NFIC: variants seen among roughly 807,000 people sequenced by gnomAD.
NFIC encodes the protein nuclear factor I C, also known as nuclear factor 1 C-type.
In NFIC, 12 loss-of-function variants were observed where a neutral mutation model predicts 54.4. That is an observed-to-expected ratio of 0.22 (90% confidence interval 0.14 to 0.36). The LOEUF (loss-of-function observed/expected upper bound fraction) is 0.36. NFIC is among the 10% of genes least tolerant of loss of function. NFIC has a pLI of 1.00. For synonymous variants in NFIC, 322 were observed against 319.2 expected (o/e 1.01, Z -0.09); for missense variants, 575 against 718.2 (o/e 0.80, Z 2.28).
In NFIC at chr19:3,369,358, C is replaced by T. The variant is rs76045367; in HGVS notation, c.30+2692C>T. 3.9e-5 allele frequency among the ~76,000 whole-genome samples: 6 copies of T among 152,154 alleles called. No individual in the cohort carries two copies. The highest frequency in any genetic ancestry group is 3.9e-4 in the Admixed American group (6 of 15,280). On this transcript the variant is annotated intron_variant, in intron 1 of 10. Coordinates refer to ENST00000443272, the MANE Select transcript of NFIC (RefSeq NM_001245002.2). This position sits in a 1 kb window ranked among gnomAD's most constrained non-coding sequence, Gnocchi z 4.3. ...CCTCTCTCCCTGTCTCTCTCTATCT[C>T]TGCATGTGTCTCCTTACTCCTCTCT...
chr19:3,408,667 A>T (rs4807462), intron 2 of NFIC, among the ~76,000 whole-genome samples: 79,747 of 151,842 alleles, frequency 0.53, 23,981 homozygotes, highest in African/African-American at 0.81. Flanking sequence ...TGTCGCGCCA[A>T]CTCGGCTCAC....
chr19:3,366,902 C>T (rs2080898503), intron 1 of NFIC, among the ~76,000 whole-genome samples: 1 of 152,018 alleles, frequency 6.6e-6, no homozygotes, highest in Non-Finnish European at 1.5e-5. Context: ...GCCCAGCACC[C>T]CCAACCCCGA....
intron 10 of NFIC, 196 bp downstream of exon 10, chr19:3,456,831 C>G (rs750355156): frequency 1.8e-5 from 11 of 618,220 alleles, no homozygotes; most frequent in Middle Eastern, 2.5e-4. Context: ...CACCTTGGTC[C>G]TGGGGGGATG....
intron 1 of NFIC, among the ~76,000 whole-genome samples, chr19:3,380,628 C>CTT (rs1159916071): frequency 0.012 from 1,136 of 95,968 alleles, 6 homozygotes; most frequent in Non-Finnish European, 0.018. Flanking sequence ...TGCGCCCAGG[C>CTT]TTTTTTTTTT....
intron 2 of NFIC, among the ~76,000 whole-genome samples, chr19:3,384,047 G>GT (rs1568410454): frequency 9.5e-5 from 13 of 137,352 alleles, no homozygotes; most frequent in South Asian, 7.0e-4. Flanking sequence ...GAGTTACCCA[G>GT]TGTTTTTTTT....
intron 2 of NFIC, among the ~76,000 whole-genome samples, chr19:3,421,646 G>T (rs906020556): frequency 6.6e-5 from 10 of 152,230 alleles, no homozygotes; most frequent in Non-Finnish European, 1.0e-4. Context: ...GGCATCCTTG[G>T]TCTTGGCAAT....
intron 2 of NFIC, among the ~76,000 whole-genome samples, chr19:3,387,081 A>G (rs1395473546): frequency 6.6e-6 from 1 of 152,156 alleles, no homozygotes; most frequent in African/African-American, 2.4e-5. Context: ...GCCCTGGGAT[A>G]GAGGGAGAGG....
chr19:3,387,576 G>T (rs916183737), intron 2 of NFIC, among the ~76,000 whole-genome samples: 3 of 152,096 alleles, frequency 2.0e-5, no homozygotes, highest in Non-Finnish European at 2.9e-5. Flanking sequence ...ATGGAGGGGG[G>T]CTGGGGGCCA....
intron 9 of NFIC, among the ~76,000 whole-genome samples, chr19:3,454,652 C>T (rs1347121985): frequency 6.6e-6 from 1 of 151,668 alleles, no homozygotes; most frequent in Non-Finnish European, 1.5e-5. Context: ...GGGTGGGTCA[C>T]CCACCCTCAC....
chr19:3,382,696 C>T (rs1179956461), intron 2 of NFIC, among the ~76,000 whole-genome samples: 2 of 124,450 alleles, frequency 1.6e-5, no homozygotes, highest in Non-Finnish European at 1.7e-5. Flanking sequence ...GAGCGTCTGA[C>T]GCCGGGTGAC....
intron 1 of NFIC, among the ~76,000 whole-genome samples, chr19:3,367,816 C>T (rs113612540): frequency 6.6e-6 from 1 of 152,160 alleles, no homozygotes; most frequent in Non-Finnish European, 1.5e-5. Flanking sequence ...CAGCGAGGGC[C>T]AGGCCCGTCT....
In NFIC at chr19:3,449,169, G is replaced by A. The variant is rs1323641201; in HGVS notation, c.1084+30G>A. On this transcript the variant is annotated intron_variant, in intron 7 of 10. Transcript: ENST00000443272. ...GCGCCACGGGCCCCTGGCGGGGAGG[G>A]GCGGCGGGCCCTCCTATCAGGCCTC... 9.4e-6 allele frequency: 15 copies of A among 1,600,674 alleles called. No individual in the cohort carries two copies. In the South Asian group the frequency reaches 1.0e-4, roughly 11 times the overall value.
At chr19:3,430,582 CCT>C (rs530821846) in intron 3 of NFIC, among the ~76,000 whole-genome samples, 34 of 152,208 alleles carry the variant, frequency 2.2e-4, no homozygotes, top group Non-Finnish European at 2.9e-4. Flanking sequence ...GCCACCACTC[CCT>C]GTCTCCTCTC....
At chr19:3,377,921 C>T (rs536955413) in intron 1 of NFIC, among the ~76,000 whole-genome samples, 1 of 152,014 alleles carries the variant, frequency 6.6e-6, no homozygotes, top group Admixed American at 6.6e-5. Context: ...AAAAATTATG[C>T]CCAGCTAATT....
intron 6 of NFIC, among the ~76,000 whole-genome samples, chr19:3,435,416 G>C (rs1725731442): frequency 6.6e-6 from 1 of 152,218 alleles, no homozygotes; most frequent in African/African-American, 2.4e-5. Flanking sequence ...GTTCCGCTGC[G>C]GCGAAGGAGG....
intron 2 of NFIC, among the ~76,000 whole-genome samples, chr19:3,389,049 A>G (rs565210370): frequency 1.3e-5 from 2 of 152,252 alleles, no homozygotes; most frequent in South Asian, 4.1e-4. Flanking sequence ...CCTCTTTTCA[A>G]AAACAAACTA....
intron 1 of NFIC, among the ~76,000 whole-genome samples, chr19:3,372,849 C>CTT (rs201917998): frequency 4.2e-4 from 62 of 146,642 alleles, no homozygotes; most frequent in Middle Eastern, 3.5e-3. Flanking sequence ...TCATAGTAGA[C>CTT]TTTTTTTTTT....
At chr19:3,381,168 C>T (rs529633109) in intron 1 of NFIC, among the ~76,000 whole-genome samples, 195 of 152,116 alleles carry the variant, frequency 1.3e-3, no homozygotes, top group African/African-American at 4.4e-3. Flanking sequence ...AGAGCCGAGG[C>T]GGGCGGATCA....
At chr19:3,456,752 G>A (rs2082565014) in intron 10 of NFIC, 117 bp downstream of exon 10, 15 of 1,029,348 alleles carry the variant, frequency 1.5e-5, no homozygotes, top group Admixed American at 1.1e-4. Flanking sequence ...GCACAGGGGC[G>A]CCAGCCTCCC....
Sources: gnomAD v4.1 joint callset for allele counts (sites outside exome capture counted in the v4.1 genomes callset) on GRCh38, gnomAD v4.1.1 for gene constraint, Gnocchi (gnomAD v3.1) non-coding constraint, MANE v1.5 for transcripts, NCBI Gene and HGNC (gene_info 2026-07-23, HGNC 2026-07-21) for gene names.